The following FYTTD1 variants were observed in gnomAD, a reference collection of about 807,000 sequenced individuals.
FYTTD1 encodes forty-two-three domain containing 1, also known as UAP56-interacting factor.
FYTTD1 carries 22 observed loss-of-function variants against 40.9 expected under a neutral mutation model. The observed-to-expected ratio is 0.54, with a 90% CI of 0.38 to 0.77. The LOEUF (loss-of-function observed/expected upper bound fraction) is 0.77, where lower values mean the gene tolerates loss of function less well. Ranked by LOEUF, FYTTD1 falls within the 30% of genes least tolerant of loss-of-function variation. FYTTD1 has a pLI of 0.00. For missense variants in FYTTD1, 351 were observed against 392.2 expected (o/e 0.90, Z 0.89); for synonymous variants, 140 against 137.9 (o/e 1.01, Z -0.10).
intron 2 of FYTTD1, among the ~76,000 whole-genome samples, chr3:197,759,336 A>G (rs182335975): frequency 6.6e-6 from 1 of 152,196 alleles, no homozygotes; most frequent in East Asian, 1.9e-4. Flanking sequence ...CAGTGGTAGA[A>G]TGTATACAGT....
intron 3 of FYTTD1, among the ~76,000 whole-genome samples, 199 bp from the exon 4 acceptor site, chr3:197,769,933 A>G (rs1018009967): frequency 7.9e-5 from 12 of 152,116 alleles, no homozygotes; most frequent in African/African-American, 2.9e-4. Context: ...AGTACCTCAC[A>G]TATTTTAAAT....
chr3:197,750,043 T>C lies in FYTTD1; in HGVS notation c.72T>C (p.Asn24=), dbSNP rs1728953132. Residue 24 remains asparagine (N), a synonymous_variant, in exon 1 of 9, where the codon AAT becomes AAC. Transcript: ENST00000241502. ...CGCCGCCGCCGAAGGCCCGCAGCAATGAAAACCTCGACAAAATAGATATGT... is the reference window on the plus strand; with the variant it reads ...CGCCGCCGCCGAAGGCCCGCAGCAACGAAAACCTCGACAAAATAGATATGT... ...TSSPPPKARS[N]ENLDKIDMSL... 1.3e-6 allele frequency: 2 copies of C among 1,581,224 alleles called. No individual in the cohort carries two copies. Among genetic ancestry groups the C allele is most frequent in the Non-Finnish European group, 1.7e-6 (2 of 1,165,314 alleles).
chr3:197,761,199 A>G (rs1035125479), intron 2 of FYTTD1, among the ~76,000 whole-genome samples: 2 of 151,050 alleles, frequency 1.3e-5, no homozygotes, highest in African/African-American at 4.9e-5. Context: ...GAATGTATAG[A>G]GTGTTCTTCA....
intron 3 of FYTTD1, among the ~76,000 whole-genome samples, chr3:197,768,876 T>C (rs1031467399): frequency 2.6e-5 from 4 of 151,988 alleles, no homozygotes; most frequent in African/African-American, 9.7e-5. Context: ...CACTGCAATG[T>C]CCACCTCCCA....
rs898350671 is a variant in FYTTD1 at position 197,782,724 on chromosome 3, T to C, written c.*815T>C. ...AACACTTCAAAACCCTGGTTATAGATGTACTGTTTGGATGTAGCATAGTCT... is the reference window on the plus strand; with the variant it reads ...AACACTTCAAAACCCTGGTTATAGACGTACTGTTTGGATGTAGCATAGTCT... On this transcript the variant is annotated 3_prime_UTR_variant, in exon 9 of 9. Transcript: ENST00000241502. 5.3e-5 allele frequency: 8 copies of C among 152,204 alleles called. No individual in the cohort carries two copies. Among genetic ancestry groups the C allele is most frequent in the African/African-American group, 1.9e-4 (8 of 41,450 alleles). The allele number at this position is 152,204 out of a possible 1,614,324, so 9.4% of individuals were successfully genotyped here. A position where few individuals can be genotyped will look rare whatever the true frequency, so the allele number is the denominator to read the frequency against.
intron 6 of FYTTD1, among the ~76,000 whole-genome samples, chr3:197,776,004 G>A (rs189867401): frequency 1.6e-3 from 241 of 152,274 alleles, no homozygotes; most frequent in African/African-American, 5.6e-3. Context: ...AGGAGCAGAG[G>A]TGGAGGGAAG....
At chr3:197,758,918 G>T (rs1729285487) in intron 2 of FYTTD1, among the ~76,000 whole-genome samples, 1 of 152,228 alleles carries the variant, frequency 6.6e-6, no homozygotes, top group South Asian at 2.1e-4. Flanking sequence ...GTCAATGAAT[G>T]AAATCTTTAA....
rs1469143026 is a variant in FYTTD1 at position 197,784,137 on chromosome 3, G to T, written c.*2228G>T. 2.0e-5 allele frequency: 3 copies of T among 152,342 alleles called. No individual in the cohort carries two copies. Among genetic ancestry groups the T allele is most frequent in the Non-Finnish European group, 4.4e-5 (3 of 67,996 alleles). The allele number at this position is 152,342 out of a possible 1,614,324, so 9.4% of individuals were successfully genotyped here. The stretch of plus-strand genomic sequence containing the variant: ...AACTTAAACTTTTCTTTGCATCAAG[G>T]TATATGCAAAACATTGGTGCCGTGC... On this transcript the variant is annotated 3_prime_UTR_variant, in exon 9 of 9. Coordinates refer to ENST00000241502, the MANE Select transcript of FYTTD1 (RefSeq NM_032288.7).
intron 6 of FYTTD1, among the ~76,000 whole-genome samples, chr3:197,776,662 C>T (rs539149381): frequency 1.5e-4 from 23 of 151,980 alleles, no homozygotes; most frequent in African/African-American, 4.6e-4. Flanking sequence ...GGGACTGTTG[C>T]TTTTTATTAG....
At chr3:197,775,396 A>G (rs554845661) in intron 6 of FYTTD1, among the ~76,000 whole-genome samples, 2 of 152,294 alleles carry the variant, frequency 1.3e-5, no homozygotes, top group East Asian at 1.9e-4. Context: ...CTGTGTCTCA[A>G]GGGAATTGTT....
At chr3:197,774,598 G>T (rs1013630603) in intron 6 of FYTTD1, among the ~76,000 whole-genome samples, 1 of 150,470 alleles carries the variant, frequency 6.6e-6, no homozygotes. Context: ...TCGATGACCA[G>T]TGCACACCAG....
rs1330477850 is a variant in FYTTD1 at position 197,773,479 on chromosome 3, C to T, written c.574C>T (p.Leu192Phe). 1.3e-6 allele frequency: 2 copies of T among 1,592,794 alleles called. No homozygotes were observed. The highest frequency in any genetic ancestry group is 1.7e-6 in the Non-Finnish European group (2 of 1,164,634). ...HQKDTRQATF[L>F]FRRGLKVQAQ... ...GAAAGATACTCGTCAGGCAACTTTT[C>T]TTTTCAGAAGAGGCCTGAAGGTATT... is the stretch of plus-strand genomic sequence containing the variant. Residue 192 changes from leucine (L) to phenylalanine (F), a missense_variant, in exon 5 of 9, where the codon CTT becomes TTT. By Grantham distance (22) the Leu-to-Phe change is conservative. Transcript: ENST00000241502.
At chr3:197,771,573 G>C (rs1350731389) in intron 4 of FYTTD1, among the ~76,000 whole-genome samples, 1 of 151,568 alleles carries the variant, frequency 6.6e-6, no homozygotes, top group Non-Finnish European at 1.5e-5. Context: ...TCAGGAGATC[G>C]AGACCATCCC....
At chr3:197,766,162 CAAA>C (rs746851412) in intron 2 of FYTTD1, among the ~76,000 whole-genome samples, 6 of 46,192 alleles carry the variant, frequency 1.3e-4, no homozygotes, top group Admixed American at 2.3e-4. Flanking sequence ...GACTCTGTCT[CAAA>C]AAAAAAAAAA....
chr3:197,782,276 T>A lies in FYTTD1; in HGVS notation c.*367T>A, dbSNP rs1193586777. 3 of 156,024 alleles carry A rather than the reference T, an allele frequency of 1.9e-5. No homozygotes were observed. The highest frequency in any genetic ancestry group is 7.2e-5 in the African/African-American group (3 of 41,570). The allele number at this position is 156,024 out of a possible 1,614,324, so 9.7% of individuals were successfully genotyped here. ...GCCCGTGTTTTAGACTTTGTCATGG[T>A]AAATCCTGGTCTTCATAAACATGAG... On this transcript the variant is annotated 3_prime_UTR_variant, in exon 9 of 9. Coordinates refer to ENST00000241502, the MANE Select transcript of FYTTD1 (RefSeq NM_032288.7).
chr3:197,764,485 A>G (rs1729480258), intron 2 of FYTTD1, among the ~76,000 whole-genome samples: 2 of 152,130 alleles, frequency 1.3e-5, no homozygotes, highest in African/African-American at 4.8e-5. Flanking sequence ...CGAGGTGGGC[A>G]GATTACGAGG....
At chr3:197,761,339 A>AGTGGTAGAATGTATAGAAT (rs1729382112) in intron 2 of FYTTD1, among the ~76,000 whole-genome samples, 2 of 143,732 alleles carry the variant, frequency 1.4e-5, no homozygotes, top group African/African-American at 5.2e-5. Flanking sequence ...AGTGTATAGC[A>AGTGGTAGAATGTATAGAAT]TGTTCTTCAG....
rs780199402 is a variant in FYTTD1, at chr3:197,755,768, G to GT, written c.104-657dup. ...CTCCCAAAGTGCTGGGATTATAGGT[G>GT]TGAGTCACCATGCCTGGCCGGAAGG... On this transcript the variant is annotated intron_variant, in intron 1 of 8. Transcript: ENST00000241502. 19 of 1,548,500 alleles carry GT rather than the reference G, an allele frequency of 1.2e-5. No homozygotes were observed. The South Asian group carries it at 2.3e-4, about 18-fold the overall frequency.
At chr3:197,780,015 GCCACACCTGGGGATGCAGGCACACACCA>G (rs1729985057) in intron 8 of FYTTD1, among the ~76,000 whole-genome samples, 3 of 108,894 alleles carry the variant, frequency 2.8e-5, no homozygotes, top group Non-Finnish European at 5.3e-5. Flanking sequence ...GGCACACACT[GCCACACCTGGGGATGCAGGCACACACCA>G]CCACACCTGG....
Sources: allele counts gnomAD v4.1 joint callset (sites outside exome capture counted in the v4.1 genomes callset), GRCh38; gene constraint gnomAD v4.1.1; transcripts MANE v1.5; gene names NCBI Gene and HGNC (gene_info 2026-07-23, HGNC 2026-07-21).